PRKN: variants seen among roughly 807,000 people sequenced by gnomAD.
PRKN encodes parkin RBR E3 ubiquitin protein ligase, also known as E3 ubiquitin-protein ligase parkin.
PRKN carries 56 observed loss-of-function variants against 59.5 expected under a neutral mutation model. The observed-to-expected ratio is 0.94, with a 90% CI of 0.76 to 1.18. PRKN has a LOEUF of 1.18. Ranked by LOEUF, PRKN falls within the 50% of genes most tolerant of loss-of-function variation. PRKN has a pLI of 0.00. For missense variants in PRKN, 657 were observed against 596.4 expected (o/e 1.10, Z -1.06); for synonymous variants, 250 against 222.1 (o/e 1.13, Z -1.12).
intron 6 of PRKN, among the ~76,000 whole-genome samples, chr6:161,810,392 A>G (rs1791510746): frequency 6.6e-6 from 1 of 152,214 alleles, no homozygotes; most frequent in Non-Finnish European, 1.5e-5. Flanking sequence ...ATACATGTAT[A>G]TTTTAGTTTT....
chr6:162,320,276 G>A (rs2128121333), intron 2 of PRKN, among the ~76,000 whole-genome samples: 1 of 147,658 alleles, frequency 6.8e-6, no homozygotes, highest in Middle Eastern at 3.6e-3. Context: ...AACACAAAGT[G>A]CAGGTATCTT....
At chr6:162,048,413 A>G (rs1227049892) in intron 5 of PRKN, among the ~76,000 whole-genome samples, 5 of 151,920 alleles carry the variant, frequency 3.3e-5, no homozygotes, top group Non-Finnish European at 7.4e-5. Context: ...CCTCATTACC[A>G]GAAAAGCACC....
intron 1 of PRKN, among the ~76,000 whole-genome samples, chr6:162,484,447 G>C (rs556911569): frequency 2.0e-5 from 3 of 152,280 alleles, no homozygotes; most frequent in Admixed American, 2.0e-4. Flanking sequence ...ATGGATCGGG[G>C]GAAGGGGACT....
intron 4 of PRKN, among the ~76,000 whole-genome samples, chr6:162,119,589 T>C (rs529582321): frequency 5.9e-5 from 9 of 152,176 alleles, no homozygotes; most frequent in South Asian, 4.1e-4. Flanking sequence ...TGAGCTCAAG[T>C]TCCCCAGCAG....
intron 6 of PRKN, among the ~76,000 whole-genome samples, chr6:161,809,813 A>C (rs1299843261): frequency 3.9e-5 from 6 of 152,166 alleles, no homozygotes; most frequent in Admixed American, 3.9e-4. Context: ...GAAGGATACC[A>C]CCTGAGACTC....
At chr6:162,650,089 A>G (rs973827084) in intron 1 of PRKN, among the ~76,000 whole-genome samples, 1 of 152,170 alleles carries the variant, frequency 6.6e-6, no homozygotes, top group African/African-American at 2.4e-5. Context: ...AAGTGACTTT[A>G]GGTTTACCTT....
At chr6:162,376,581 G>A (rs1463758862) in intron 2 of PRKN, among the ~76,000 whole-genome samples, 2 of 151,238 alleles carry the variant, frequency 1.3e-5, no homozygotes, top group Non-Finnish European at 2.9e-5. Context: ...CTGGGGCCAG[G>A]GGCCTCCAGA....
intron 7 of PRKN, among the ~76,000 whole-genome samples, chr6:161,683,728 C>A (rs1437242215): frequency 6.6e-6 from 1 of 152,160 alleles, no homozygotes; most frequent in Non-Finnish European, 1.5e-5. Context: ...AGGCTTACTG[C>A]TGTGACCATG....
At chr6:162,249,500 G>C (rs528965187) in intron 3 of PRKN, among the ~76,000 whole-genome samples, 1 of 152,286 alleles carries the variant, frequency 6.6e-6, no homozygotes, top group East Asian at 1.9e-4. Context: ...CTGGCTATTA[G>C]AGTCCTGTTC....
At chr6:162,147,864 T>C (rs1409839404) in intron 4 of PRKN, among the ~76,000 whole-genome samples, 1 of 152,132 alleles carries the variant, frequency 6.6e-6, no homozygotes, top group Non-Finnish European at 1.5e-5. Context: ...ATCAAGGTAA[T>C]TATATTCTAC....
At chr6:161,936,931 G>A (rs149545528) in intron 6 of PRKN, among the ~76,000 whole-genome samples, 7 of 151,830 alleles carry the variant, frequency 4.6e-5, no homozygotes, top group African/African-American at 7.3e-5. Context: ...GATTATGGGC[G>A]CTCACCATCA....
At chr6:161,852,560 A>C (rs1207018489) in intron 6 of PRKN, among the ~76,000 whole-genome samples, 1 of 152,208 alleles carries the variant, frequency 6.6e-6, no homozygotes, top group Non-Finnish European at 1.5e-5. Flanking sequence ...TCAAGGTAGA[A>C]GCTCAACACT....
chr6:162,130,391 C>T (rs1421609555), intron 4 of PRKN, among the ~76,000 whole-genome samples: 2 of 151,200 alleles, frequency 1.3e-5, no homozygotes, highest in African/African-American at 4.9e-5. Flanking sequence ...CAACTGTATA[C>T]ACACACACAC....
chr6:162,319,505 G>A (rs1215964414), intron 2 of PRKN, among the ~76,000 whole-genome samples: 1 of 151,920 alleles, frequency 6.6e-6, no homozygotes, highest in African/African-American at 2.4e-5. Flanking sequence ...TTCTGATGTG[G>A]TTACTTACAC....
chr6:161,749,138 T>G (rs778110865), intron 7 of PRKN, among the ~76,000 whole-genome samples: 1 of 152,186 alleles, frequency 6.6e-6, no homozygotes, highest in Non-Finnish European at 1.5e-5. Flanking sequence ...AAGCTTCTTG[T>G]GTTGCTAACC....
intron 1 of PRKN, among the ~76,000 whole-genome samples, chr6:162,548,421 T>C (rs1779206777): frequency 6.6e-6 from 1 of 152,142 alleles, no homozygotes; most frequent in Non-Finnish European, 1.5e-5. Flanking sequence ...TCTGCCTATA[T>C]TTCCTGAGAG....
intron 4 of PRKN, 122 bp downstream of exon 4, chr6:162,201,009 C>G (rs1784706481): frequency 8.9e-7 from 1 of 1,127,316 alleles, no homozygotes; most frequent in Non-Finnish European, 1.3e-6. Flanking sequence ...CTATCACAAC[C>G]ACAGAAGAGA....
chr6:162,494,246 G>A (rs1792952759), intron 1 of PRKN, among the ~76,000 whole-genome samples: 1 of 152,136 alleles, frequency 6.6e-6, no homozygotes, highest in South Asian at 2.1e-4. Context: ...CTACAGCCTG[G>A]GCGTTGGCAT....
chr6:162,337,663 C>T (rs775341874), intron 2 of PRKN, among the ~76,000 whole-genome samples: 2 of 152,138 alleles, frequency 1.3e-5, no homozygotes, highest in Non-Finnish European at 2.9e-5. Context: ...CAGCAGGTCT[C>T]GATCCATCAT....
Sources: allele counts gnomAD v4.1 joint callset (sites outside exome capture counted in the v4.1 genomes callset), GRCh38; gene constraint gnomAD v4.1.1; transcripts MANE v1.5; gene names NCBI Gene and HGNC (gene_info 2026-07-23, HGNC 2026-07-21).